Variants in ITGAM observed in about 807,000 individuals in gnomAD.
ITGAM encodes integrin alpha-M.
ITGAM carries 79 observed loss-of-function variants against 137.5 expected under a neutral mutation model. The ratio of observed to expected loss-of-function variants is 0.57; its 90% CI spans 0.48 to 0.69. ITGAM has a LOEUF of 0.69. Ranked by LOEUF, ITGAM falls within the 30% of genes least tolerant of loss-of-function variation. The pLI, the probability that ITGAM is intolerant of heterozygous loss-of-function variation, is 0.00. For synonymous variants in ITGAM, 583 were observed against 592.3 expected (o/e 0.98, Z 0.23); for missense variants, 1,343 against 1,483.5 (o/e 0.91, Z 1.56).
At chr16:31,277,461 C>G (rs1474237975) in intron 11 of ITGAM, among the ~76,000 whole-genome samples, 1 of 151,840 alleles carries the variant, frequency 6.6e-6, no homozygotes, top group Non-Finnish European at 1.5e-5. Context: ...CAGGTTCAAG[C>G]GATTCTCCTG....
intron 23 of ITGAM, among the ~76,000 whole-genome samples, chr16:31,328,835 T>G (rs1016094143): frequency 6.6e-6 from 1 of 151,484 alleles, no homozygotes; most frequent in Non-Finnish European, 1.5e-5. Flanking sequence ...TGCGCATGGG[T>G]GTGTATTTGT....
chr16:31,265,350 C>T, intron 2 of ITGAM, 45 bp from the exon 3 acceptor site: 1 of 1,140,920 alleles, frequency 8.8e-7, no homozygotes, highest in Middle Eastern at 2.0e-4. Flanking sequence ...GTCTCCTTCT[C>T]TCCCCACATG....
chr16:31,315,761 G>A (rs2080384999), intron 14 of ITGAM, among the ~76,000 whole-genome samples: 1 of 151,878 alleles, frequency 6.6e-6, no homozygotes, highest in Non-Finnish European at 1.5e-5. Flanking sequence ...ACCCGGCCCA[G>A]CACTTTTGAT....
Position 31,321,358 on chromosome 16 carries a change from G to C in ITGAM, c.1825G>C (p.Val609Leu). 1.2e-6 allele frequency: 2 copies of C among 1,614,026 alleles called. No individual in the cohort carries two copies. Among genetic ancestry groups the C allele is most frequent in the Non-Finnish European group, 1.7e-6 (2 of 1,179,904 alleles). The change falls in exon 15 of 30, where the codon GTG becomes CTG. Residue 609 changes from valine to leucine, a missense_variant. Val to Leu is a conservative substitution (Grantham distance 32). Coordinates refer to ENST00000544665, the MANE Select transcript of ITGAM (RefSeq NM_000632.4). Reference sequence around the variant, plus strand: ...CCTGACTGTAGGAGCCCAGGGGCACGTGCTGCTGCTCAGGTGAGAATGCCT... The same window carrying C: ...CCTGACTGTAGGAGCCCAGGGGCACCTGCTGCTGCTCAGGTGAGAATGCCT... ...VDLTVGAQGH[V>L]LLLRSQPVLR...
chr16:31,303,565 A>T (rs940626147), intron 14 of ITGAM, among the ~76,000 whole-genome samples: 17 of 152,286 alleles, frequency 1.1e-4, no homozygotes, highest in African/African-American at 3.4e-4. Flanking sequence ...AAAGCAGCGT[A>T]CACTGTACCA....
intron 14 of ITGAM, among the ~76,000 whole-genome samples, chr16:31,308,358 T>G (rs2080287235): frequency 6.6e-6 from 1 of 152,212 alleles, no homozygotes; most frequent in Admixed American, 6.5e-5. Context: ...AGATTCAGCT[T>G]CTTCCTGGTT....
At chr16:31,325,722 A>C (rs2080502251) in intron 21 of ITGAM, 100 bp downstream of exon 21, 4 of 1,407,318 alleles carry the variant, frequency 2.8e-6, no homozygotes, top group African/African-American at 1.4e-5. Flanking sequence ...TTTGTACAAA[A>C]CAGCTTTATT....
intron 14 of ITGAM, among the ~76,000 whole-genome samples, chr16:31,319,486 G>C (rs762585059): frequency 1.4e-4 from 22 of 151,876 alleles, no homozygotes; most frequent in Non-Finnish European, 2.9e-4. Flanking sequence ...ATGTCATCCT[G>C]CTCTCTTTTG....
chr16:31,316,514 T>C (rs1405223989), intron 14 of ITGAM, among the ~76,000 whole-genome samples: 4 of 152,232 alleles, frequency 2.6e-5, no homozygotes, highest in Non-Finnish European at 5.9e-5. Context: ...TTGCTGAGTA[T>C]ACCTTTGTGG....
chr16:31,330,698 G>GGA (rs1232000226), intron 28 of ITGAM, 93 bp downstream of exon 28: 24 of 874,866 alleles, frequency 2.7e-5, no homozygotes, highest in Non-Finnish European at 3.1e-5. Flanking sequence ...AAAGAGAGAG[G>GGA]GAGAGAGAGA....
At chr16:31,280,181 G>T (rs1159850895) in intron 12 of ITGAM, among the ~76,000 whole-genome samples, 1 of 152,160 alleles carries the variant, frequency 6.6e-6, no homozygotes, top group Non-Finnish European at 1.5e-5. Context: ...GATGCCTCCA[G>T]CTTTGTTCTT....
intron 10 of ITGAM, 69 bp from the exon 11 acceptor site, chr16:31,276,851 G>T: frequency 6.3e-7 from 1 of 1,590,326 alleles, no homozygotes; most frequent in South Asian, 1.1e-5. Flanking sequence ...TACTTGGGAA[G>T]TAGCTCTGTG....
rs1308048868 is a variant in ITGAM, at chr16:31,332,275, CTGGAGCCTGCGCAGCT to C, written c.*573_*588del. The stretch of plus-strand genomic sequence containing the variant: ...CCGTCGCCTGCGAGCCTGCGGCCTG[CTGGAGCCTGCGCAGCT>C]TGGATGGAGACTCCATGAGAAGCCG... On this transcript the variant is annotated 3_prime_UTR_variant, in exon 30 of 30. Transcript: ENST00000544665. The C allele has an allele frequency of 6.6e-6, 1 of 152,568 alleles. No individual in the cohort carries two copies. The highest frequency in any genetic ancestry group is 1.5e-5 in the Non-Finnish European group (1 of 68,264). The allele number at this position is 152,568 out of a possible 1,614,324, so 9.5% of individuals were successfully genotyped here.
intron 2 of ITGAM, among the ~76,000 whole-genome samples, chr16:31,264,747 C>T (rs2079744549): frequency 1.3e-5 from 2 of 152,186 alleles, no homozygotes; most frequent in Admixed American, 6.5e-5. Context: ...GGCTATGTTA[C>T]CCGGGCTAGT....
rs1454510112 is a variant in ITGAM at position 31,326,900 on chromosome 16, T to C, written c.2673T>C (p.Leu891=). The part of the protein sequence containing the change: ...ITFDVDSKAS[L]GNKLLLKANV... ...TTGATGTAGACTCTAAGGCTTCCCT[T>C]GGAAACAAACTGCTCCTCAAGGCCA... Residue 891 remains leucine (L), a synonymous_variant, in exon 22 of 30, where the codon CTT becomes CTC. Transcript: ENST00000544665. 1 of 1,613,588 alleles carries C rather than the reference T, an allele frequency of 6.2e-7. No individual in the cohort carries two copies. The highest frequency in any genetic ancestry group is 1.1e-5 in the South Asian group (1 of 91,078).
intron 23 of ITGAM, 156 bp from the exon 24 acceptor site, chr16:31,329,072 T>G: frequency 2.1e-6 from 1 of 474,542 alleles, no homozygotes; most frequent in Non-Finnish European, 4.0e-6. Context: ...CACACATTGG[T>G]TCCCCCATCC....
chr16:31,272,434 TATATATATATATATATATATATATATATA>T (rs1173593492), intron 7 of ITGAM, among the ~76,000 whole-genome samples: 8 of 6,086 alleles, frequency 1.3e-3, no homozygotes, highest in East Asian at 2.4e-3. Flanking sequence ...TATATATATA[TATATATATATATATATATATATATATATA>T]TTTTTTTTTT....
At chr16:31,273,668 C>A in intron 8 of ITGAM, 150 bp downstream of exon 8, 1 of 724,946 alleles carries the variant, frequency 1.4e-6, no homozygotes, top group Non-Finnish European at 2.2e-6. Context: ...GTTGCCACAT[C>A]AATGCTGTGT....
rs1258997976 is a variant in ITGAM at position 31,331,799 on chromosome 16, C to G, written c.*92C>G. On this transcript the variant is annotated 3_prime_UTR_variant, in exon 30 of 30. Coordinates refer to ENST00000544665, the MANE Select transcript of ITGAM (RefSeq NM_000632.4). ...CCAGGCTGCTGGACACGTCGGACAG[C>G]GAAGTATCCCCGACAGGACGGGCTT... 1.0e-6 allele frequency: 1 copy of G among 974,632 alleles called. No homozygotes were observed. Among genetic ancestry groups the G allele is most frequent in the African/African-American group, 1.7e-5 (1 of 60,462 alleles). 60.4% of individuals were successfully genotyped at this position (974,632 alleles called of 1,614,324 possible).
Sources: gnomAD v4.1 joint callset for allele counts (sites outside exome capture counted in the v4.1 genomes callset) on GRCh38, gnomAD v4.1.1 for gene constraint, MANE v1.5 for transcripts, NCBI Gene and HGNC (gene_info 2026-07-23, HGNC 2026-07-21) for gene names.